RPS6KC1: variants seen among roughly 807,000 people sequenced by gnomAD.
The protein encoded by RPS6KC1 is inactive ribosomal protein S6 kinase delta-1.
Under a neutral mutation model 103.8 loss-of-function variants are expected in RPS6KC1, and 54 were observed. The ratio of observed to expected loss-of-function variants is 0.52; its 90% CI spans 0.42 to 0.65. The LOEUF is 0.65. Ranked by LOEUF, RPS6KC1 falls within the 30% of genes least tolerant of loss-of-function variation. The pLI, the probability that RPS6KC1 is intolerant of heterozygous loss-of-function variation, is 0.00. For missense variants in RPS6KC1, 1,151 were observed against 1,253.8 expected, an observed-to-expected ratio of 0.92 and a Z score of 1.24; for synonymous variants, 439 against 438.7, an observed-to-expected ratio of 1.00 and a Z score of -0.01.
the RPS6KC1 span, among the ~76,000 whole-genome samples, chr1:213,370,826 G>A: frequency 6.6e-6 from 1 of 152,120 alleles, no homozygotes; most frequent in African/African-American, 2.4e-5. Flanking sequence ...TTTCATCTTG[G>A]CCTTTGGGGT....
At chr1:213,388,366 G>A in the RPS6KC1 span, among the ~76,000 whole-genome samples, 99 of 152,336 alleles carry the variant, frequency 6.5e-4, 2 homozygotes, top group South Asian at 0.016. Flanking sequence ...GGCTGCTACC[G>A]CTTGAGGTGT....
chr1:213,071,802 A>T (rs914855484), intron 2 of RPS6KC1, among the ~76,000 whole-genome samples: 1 of 152,102 alleles, frequency 6.6e-6, no homozygotes, highest in Non-Finnish European at 1.5e-5. Flanking sequence ...TTAGGCATAG[A>T]TATTTCTTTT....
At chr1:213,230,835 C>CA (rs760471422) in intron 9 of RPS6KC1, among the ~76,000 whole-genome samples, 9,360 of 53,912 alleles carry the variant, frequency 0.17, 920 homozygotes, top group African/African-American at 0.33. Context: ...GACCCTGTCT[C>CA]AAAAAAAAAA....
chr1:213,246,215 G>T (rs946062435), intron 12 of RPS6KC1, among the ~76,000 whole-genome samples: 1 of 152,078 alleles, frequency 6.6e-6, no homozygotes, highest in Non-Finnish European at 1.5e-5. Flanking sequence ...TATCTAGGAT[G>T]ATTCTCTAGA....
chr1:213,194,223 T>G (rs1197348391), intron 8 of RPS6KC1, among the ~76,000 whole-genome samples: 3 of 152,190 alleles, frequency 2.0e-5, no homozygotes, highest in African/African-American at 7.2e-5. Context: ...GTGGTTTTCT[T>G]GTAGGCAAAG....
the RPS6KC1 span, among the ~76,000 whole-genome samples, chr1:213,372,981 A>G: frequency 6.6e-6 from 1 of 152,326 alleles, no homozygotes; most frequent in South Asian, 2.1e-4. Context: ...TGACAAGCTA[A>G]TTGTGGAGTT....
At chr1:213,390,938 A>T in the RPS6KC1 span, among the ~76,000 whole-genome samples, 2 of 152,118 alleles carry the variant, frequency 1.3e-5, no homozygotes, top group Non-Finnish European at 2.9e-5. Flanking sequence ...AAACAACTGG[A>T]TACAGAGGAA....
chr1:213,516,026 CTGTT>C, the RPS6KC1 span, among the ~76,000 whole-genome samples: 4 of 152,238 alleles, frequency 2.6e-5, no homozygotes, highest in Non-Finnish European at 4.4e-5. Flanking sequence ...ATTTGGCTCT[CTGTT>C]TGTCTGTTAT....
At chr1:213,149,177 T>C (rs1013975942) in intron 6 of RPS6KC1, among the ~76,000 whole-genome samples, 2 of 152,156 alleles carry the variant, frequency 1.3e-5, no homozygotes, top group African/African-American at 4.8e-5. Flanking sequence ...ATTGCTACTC[T>C]GATCTTTATT....
the RPS6KC1 span, among the ~76,000 whole-genome samples, chr1:213,327,114 A>G: frequency 6.6e-6 from 1 of 150,592 alleles, no homozygotes; most frequent in Non-Finnish European, 1.5e-5. Context: ...CAACTCTTGA[A>G]TGCTCCTTCA....
chr1:213,219,385 A>G (rs1264615989), intron 8 of RPS6KC1, among the ~76,000 whole-genome samples: 3 of 152,226 alleles, frequency 2.0e-5, no homozygotes, highest in Admixed American at 2.0e-4. Flanking sequence ...ATATGGAGAA[A>G]TAGGAAGACT....
the RPS6KC1 span, among the ~76,000 whole-genome samples, chr1:213,584,449 G>T: frequency 6.6e-6 from 1 of 152,152 alleles, no homozygotes; most frequent in African/African-American, 2.4e-5. Flanking sequence ...CAGAGAAATG[G>T]CTGCAGTTAA....
chr1:213,641,097 C>T, the RPS6KC1 span, among the ~76,000 whole-genome samples: 2 of 146,418 alleles, frequency 1.4e-5, no homozygotes, highest in African/African-American at 5.4e-5. Flanking sequence ...CTTTACTTTT[C>T]AGATTTTTTT....
chr1:213,576,602 T>C, the RPS6KC1 span, among the ~76,000 whole-genome samples: 1 of 152,146 alleles, frequency 6.6e-6, no homozygotes, highest in Non-Finnish European at 1.5e-5. Flanking sequence ...AATCAATAAA[T>C]GTTGTTTGTG....
the RPS6KC1 span, among the ~76,000 whole-genome samples, chr1:213,376,406 T>A: frequency 0.2 from 30,010 of 151,914 alleles, 3,420 homozygotes; most frequent in African/African-American, 0.32. Context: ...CTATTTTTTT[T>A]AAAATTGCAT....
At chr1:213,329,052 GT>G in the RPS6KC1 span, among the ~76,000 whole-genome samples, 3 of 152,040 alleles carry the variant, frequency 2.0e-5, no homozygotes, top group Non-Finnish European at 4.4e-5. Flanking sequence ...AAGTGAAGAC[GT>G]TTTTTTCTGC....
chr1:213,098,795 CAT>C (rs1240221318), intron 3 of RPS6KC1, among the ~76,000 whole-genome samples: 1 of 152,002 alleles, frequency 6.6e-6, no homozygotes, highest in Non-Finnish European at 1.5e-5. Flanking sequence ...GACACAGAGA[CAT>C]AAAGTGAGCA....
At chr1:213,463,266 G>A in the RPS6KC1 span, among the ~76,000 whole-genome samples, 1 of 152,120 alleles carries the variant, frequency 6.6e-6, no homozygotes, top group Non-Finnish European at 1.5e-5. Flanking sequence ...AGTTCTAAGA[G>A]CACAGACTCT....
At chr1:213,769,253 G>A in the RPS6KC1 span, among the ~76,000 whole-genome samples, 10 of 152,140 alleles carry the variant, frequency 6.6e-5, no homozygotes, top group Non-Finnish European at 1.3e-4. Context: ...GGGTTTGAAA[G>A]GTCATTTTTG....
Sources: gnomAD v4.1 joint callset for allele counts (sites outside exome capture counted in the v4.1 genomes callset) on GRCh38, gnomAD v4.1.1 for gene constraint, MANE v1.5 for transcripts, NCBI Gene and HGNC (gene_info 2026-07-23, HGNC 2026-07-21) for gene names.